Variants in MMS22L observed in about 807,000 individuals in gnomAD.
The protein encoded by MMS22L is MMS22 like, DNA repair protein.
Under a neutral mutation model 159.1 loss-of-function variants are expected in MMS22L, and 74 were observed. The observed-to-expected ratio is 0.47, with a 90% CI of 0.39 to 0.56. The LOEUF (loss-of-function observed/expected upper bound fraction) is 0.56, where lower values mean the gene tolerates loss of function less well. Ranked by LOEUF, MMS22L falls within the 20% of genes least tolerant of loss-of-function variation. MMS22L has a pLI of 0.00. For missense variants in MMS22L, 1,351 were observed against 1,422.1 expected (o/e 0.95, Z 0.80); for synonymous variants, 517 against 506.9 (o/e 1.02, Z -0.27).
rs909170447 is a variant in MMS22L at position 97,169,526 on chromosome 6, G to A, written c.2840-1286C>T. ...AAGCTCTGAAGGAAAACCAAAATAT[G>A]CTTATGGAAAAGTATACTGATGTTA... On this transcript the variant is annotated intron_variant, in intron 19 of 24. Coordinates refer to ENST00000683635, the MANE Select transcript of MMS22L (RefSeq NM_001350599.2). Among the ~76,000 whole-genome samples, 14 of 152,062 alleles carry A rather than the reference G, an allele frequency of 9.2e-5. No homozygotes were observed. In the East Asian group the frequency reaches 9.7e-4, roughly 10 times the overall value.
intron 14 of MMS22L, among the ~76,000 whole-genome samples, chr6:97,197,356 G>A (rs1287020906): frequency 3.3e-5 from 5 of 152,106 alleles, no homozygotes; most frequent in Admixed American, 6.6e-5. Flanking sequence ...CGTAATGAAC[G>A]AAAGTAAAAG....
In MMS22L at chr6:97,165,451, A is replaced by G. The variant is rs551147228; in HGVS notation, c.3016T>C (p.Cys1006Arg). The change falls in exon 21 of 25, where the codon TGT (cysteine) becomes CGT (arginine). Residue 1006 changes from cysteine to arginine, a missense_variant. Coordinates refer to ENST00000683635, the MANE Select transcript of MMS22L (RefSeq NM_001350599.2). Reference sequence around the variant, plus strand: ...TTTTGAGATTGACAACACACGATACACATGCCCTACAAGGAAAAAAAGTAA... The same window carrying G: ...TTTTGAGATTGACAACACACGATACGCATGCCCTACAAGGAAAAAAAGTAA... ...KSLPLYLQGM[C>R]IVCCQSQNPN... 5.0e-5 allele frequency: 81 copies of G among 1,612,056 alleles called. No homozygotes were observed. The highest frequency in any genetic ancestry group is 5.0e-4 in the Middle Eastern group (3 of 6,040).
intron 14 of MMS22L, among the ~76,000 whole-genome samples, chr6:97,217,323 G>T (rs1478500529): frequency 6.6e-6 from 1 of 152,022 alleles, no homozygotes; most frequent in Non-Finnish European, 1.5e-5. Context: ...TCGGCTCACT[G>T]AAGTCTCCAC....
chr6:97,276,331 A>C (rs1263417476), intron 4 of MMS22L, among the ~76,000 whole-genome samples: 1 of 152,230 alleles, frequency 6.6e-6, no homozygotes, highest in Non-Finnish European at 1.5e-5. Flanking sequence ...TGTAACAAAC[A>C]ACCATCTTAA....
chr6:97,173,623 A>G (rs1231842887), intron 18 of MMS22L, among the ~76,000 whole-genome samples: 2 of 152,180 alleles, frequency 1.3e-5, no homozygotes, highest in African/African-American at 4.8e-5. Context: ...TTCCCCTACA[A>G]GGAAAACCTA....
chr6:97,281,392 A>G, intron 2 of MMS22L, 30 bp from the exon 3 acceptor site: 1 of 1,545,354 alleles, frequency 6.5e-7, no homozygotes, highest in South Asian at 1.2e-5. Context: ...AATCTCATAA[A>G]AAGTATACTA....
At chr6:97,158,118 T>C (rs1342063567) in intron 22 of MMS22L, among the ~76,000 whole-genome samples, 1 of 152,208 alleles carries the variant, frequency 6.6e-6, no homozygotes. Flanking sequence ...GAGTTCTTTA[T>C]AGTACTCTCC....
chr6:97,179,402 A>T lies in MMS22L; in HGVS notation c.2536+6T>A. On this transcript the variant is annotated splice_donor_region_variant and intron_variant, in intron 17 of 24. Coordinates refer to ENST00000683635, the MANE Select transcript of MMS22L (RefSeq NM_001350599.2). ...CATCCTCCCCAAAAAACGTACACTT[A>T]CTTACCAACTGCCTCTTCCAGATTT... The T allele has an allele frequency of 6.2e-7, 1 of 1,611,356 alleles. No individual in the cohort carries two copies.
intron 14 of MMS22L, among the ~76,000 whole-genome samples, chr6:97,212,153 G>C (rs11758711): frequency 0.011 from 1,690 of 152,246 alleles, 25 homozygotes; most frequent in Middle Eastern, 0.017. Context: ...GGGCACTTAA[G>C]AGCAGCATTC....
At chr6:97,192,752 T>C (rs1806025839) in intron 14 of MMS22L, among the ~76,000 whole-genome samples, 2 of 152,218 alleles carry the variant, frequency 1.3e-5, no homozygotes, top group South Asian at 4.1e-4. Context: ...CTATTAGGGT[T>C]GGCCAGAGAA....
At position 97,281,315 on chromosome 6, in the gene MMS22L, G is replaced by GT; in HGVS notation, c.211dup (p.Thr71AsnfsTer12). ...CCACTGAATGCCAAATATTTCCAAG[G>GT]TATCTTCTTCAAAATTAGTTGGTAA... On this transcript the variant is annotated frameshift_variant, in exon 3 of 25. Transcript: ENST00000683635. LOFTEE classifies it high-confidence loss of function. The GT allele has an allele frequency of 6.2e-7, 1 of 1,608,834 alleles. No homozygotes were observed. The highest frequency in any genetic ancestry group is 8.5e-7 in the Non-Finnish European group (1 of 1,177,672).
intron 18 of MMS22L, 120 bp downstream of exon 18, chr6:97,178,323 T>G: frequency 1.4e-6 from 1 of 736,078 alleles, no homozygotes; most frequent in Non-Finnish European, 2.1e-6. Context: ...TAGCAGGCAA[T>G]CAATAATATG....
rs559708932 is a variant in MMS22L at position 97,245,070 on chromosome 6, G to A, written c.1182+1558C>T. ...TGCTCCCTCAACAGCCAACAGAGCT[G>A]AATTTATATCCAGGCCTCTGGTGTG... On this transcript the variant is annotated intron_variant, in intron 11 of 24. Transcript: ENST00000683635. 3.3e-5 allele frequency among the ~76,000 whole-genome samples: 5 copies of A among 152,122 alleles called. No individual in the cohort carries two copies. The East Asian group carries it at 7.7e-4, about 23-fold the overall frequency.
chr6:97,219,261 T>C (rs1423028787), intron 14 of MMS22L, among the ~76,000 whole-genome samples: 1 of 152,088 alleles, frequency 6.6e-6, no homozygotes, highest in Non-Finnish European at 1.5e-5. Context: ...ACATGAAGCT[T>C]CTTGACATGA....
intron 14 of MMS22L, among the ~76,000 whole-genome samples, chr6:97,228,147 C>A (rs1330208433): frequency 6.6e-6 from 1 of 152,104 alleles, no homozygotes; most frequent in African/African-American, 2.4e-5. Flanking sequence ...ACAAATGCTT[C>A]AGTAAAAGCC....
At chr6:97,233,784 T>C (rs1811112218) in intron 12 of MMS22L, 77 bp downstream of exon 12, 3 of 1,451,088 alleles carry the variant, frequency 2.1e-6, no homozygotes, top group Non-Finnish European at 2.7e-6. Context: ...CTATTCATAA[T>C]TAAACCATAA....
intron 11 of MMS22L, among the ~76,000 whole-genome samples, chr6:97,235,447 CTG>C (rs1562490082): frequency 6.6e-6 from 1 of 152,144 alleles, no homozygotes; most frequent in African/African-American, 2.4e-5. Context: ...GGATCCATAA[CTG>C]AGAGCCATTT....
At chr6:97,173,907 G>T (rs912417613) in intron 18 of MMS22L, among the ~76,000 whole-genome samples, 6 of 152,024 alleles carry the variant, frequency 3.9e-5, no homozygotes, top group African/African-American at 1.4e-4. Context: ...AGCAAGGGGT[G>T]AAAGGTCACA....
At chr6:97,222,395 C>T (rs954075521) in intron 14 of MMS22L, among the ~76,000 whole-genome samples, 2 of 151,984 alleles carry the variant, frequency 1.3e-5, no homozygotes, top group East Asian at 1.9e-4. Context: ...TAGTTCAGCA[C>T]ACAGCATCTC....
Sources: gnomAD v4.1 joint callset for allele counts (sites outside exome capture counted in the v4.1 genomes callset) on GRCh38, gnomAD v4.1.1 for gene constraint, MANE v1.5 for transcripts, NCBI Gene and HGNC (gene_info 2026-07-23, HGNC 2026-07-21) for gene names.